The following FGF10 variants were observed in gnomAD, a reference collection of about 807,000 sequenced individuals.
FGF10 encodes FGF-10.
A neutral mutation model predicts 19.8 loss-of-function variants in FGF10; 2 were observed. The ratio of observed to expected loss-of-function variants is 0.10; its 90% CI spans 0.04 to 0.32. The LOEUF (loss-of-function observed/expected upper bound fraction) is 0.32, where lower values mean the gene tolerates loss of function less well. Among genes scored for constraint, FGF10 ranks in the 10% least tolerant of loss-of-function variants. The probability of loss-of-function intolerance (pLI) is 1.00; values close to 1 mark genes in which losing one functional copy is unlikely to be tolerated. For missense variants in FGF10, 191 were observed against 246.3 expected, an observed-to-expected ratio of 0.78 and a Z score of 1.50; for synonymous variants, 112 against 94.0, an observed-to-expected ratio of 1.19 and a Z score of -1.10.
chr5:44,375,614 A>G (rs1561219082), intron 1 of FGF10, among the ~76,000 whole-genome samples: 1 of 152,200 alleles, frequency 6.6e-6, no homozygotes, highest in African/African-American at 2.4e-5. Context: ...TATATGACAT[A>G]TGACATGGGA....
intron 1 of FGF10, among the ~76,000 whole-genome samples, chr5:44,382,479 G>A (rs958967181): frequency 1.3e-5 from 2 of 152,104 alleles, no homozygotes; most frequent in Admixed American, 1.3e-4. Context: ...CAAGATGCAG[G>A]TATATTTCCT....
chr5:44,376,583 A>G (rs1741872837), intron 1 of FGF10, among the ~76,000 whole-genome samples: 1 of 146,420 alleles, frequency 6.8e-6, no homozygotes, highest in Non-Finnish European at 1.5e-5. Flanking sequence ...GATTTGCTGG[A>G]AATTACAAAA....
intron 1 of FGF10, among the ~76,000 whole-genome samples, chr5:44,342,749 C>T (rs564731691): frequency 2.6e-5 from 4 of 151,938 alleles, no homozygotes; most frequent in South Asian, 2.1e-4. Flanking sequence ...AGAATGTTGC[C>T]GTCTAAAGGA....
intron 1 of FGF10, among the ~76,000 whole-genome samples, chr5:44,377,310 C>G (rs1263796196): frequency 1.3e-5 from 2 of 152,152 alleles, no homozygotes; most frequent in African/African-American, 4.8e-5. Flanking sequence ...CTGTGATGAT[C>G]TCCTCTTTCT....
intron 1 of FGF10, among the ~76,000 whole-genome samples, chr5:44,381,361 T>C (rs1351156634): frequency 6.6e-6 from 1 of 152,052 alleles, no homozygotes; most frequent in East Asian, 1.9e-4. Context: ...CATCTGAAAA[T>C]GTCTAGGCCT....
intron 2 of FGF10, among the ~76,000 whole-genome samples, chr5:44,307,803 C>T (rs540611839): frequency 3.9e-5 from 6 of 152,166 alleles, no homozygotes; most frequent in South Asian, 2.1e-4. Flanking sequence ...ATAAATTTTT[C>T]GTTTAATTTG....
At chr5:44,353,258 C>T (rs1741275332) in intron 1 of FGF10, among the ~76,000 whole-genome samples, 1 of 151,598 alleles carries the variant, frequency 6.6e-6, no homozygotes, top group Non-Finnish European at 1.5e-5. Flanking sequence ...TGTTTATCGT[C>T]TAAATGACCT....
At chr5:44,382,360 T>C (rs1019595295) in intron 1 of FGF10, among the ~76,000 whole-genome samples, 3 of 152,200 alleles carry the variant, frequency 2.0e-5, no homozygotes, top group Non-Finnish European at 4.4e-5. Flanking sequence ...TGAAACTTTC[T>C]ATTTGTGTAA....
chr5:44,338,010 T>TA (rs908339024), intron 1 of FGF10, among the ~76,000 whole-genome samples: 1 of 152,160 alleles, frequency 6.6e-6, no homozygotes, highest in African/African-American at 2.4e-5. Flanking sequence ...AATGTCCAAA[T>TA]AAATGTATGT....
rs1291379981 is a variant in FGF10 at position 44,326,707 on chromosome 5, T to A, written c.326-16177A>T. ...CACCCTTAGTTTATTGAAAGCATAC[T>A]TCTTTCTTCATATGGACCTCATCTG... On this transcript the variant is annotated intron_variant, in intron 1 of 2. Transcript: ENST00000264664. Among the ~76,000 whole-genome samples, 6 of 152,118 alleles carry A rather than the reference T, an allele frequency of 3.9e-5. No individual in the cohort carries two copies. In the East Asian group the frequency reaches 9.7e-4, roughly 24 times the overall value.
At chr5:44,384,085 G>T (rs759867353) in intron 1 of FGF10, among the ~76,000 whole-genome samples, 1 of 151,810 alleles carries the variant, frequency 6.6e-6, no homozygotes, top group African/African-American at 2.4e-5. Flanking sequence ...CTAAGACGTC[G>T]CCCTTTTTAG....
At chr5:44,370,646 C>T (rs528407309) in intron 1 of FGF10, among the ~76,000 whole-genome samples, 11 of 152,248 alleles carry the variant, frequency 7.2e-5, no homozygotes, top group Non-Finnish European at 1.5e-4. Flanking sequence ...TCAGCCTCAG[C>T]TCCATAAAAG....
chr5:44,321,777 T>C (rs1338858133), intron 1 of FGF10, among the ~76,000 whole-genome samples: 1 of 152,214 alleles, frequency 6.6e-6, no homozygotes, highest in African/African-American at 2.4e-5. Context: ...TTCTCTTTTT[T>C]TTGAGACAGA....
Position 44,376,507 on chromosome 5 carries a change from AAAAAAAAAAAC to A in FGF10, c.325+11840_325+11850del, listed in dbSNP as rs1432655672. 1.2e-3 allele frequency among the ~76,000 whole-genome samples: 162 copies of A among 137,210 alleles called. 2 individuals carry two copies. The highest frequency in any genetic ancestry group is 1.9e-3 in the Non-Finnish European group (115 of 61,400). The allele number at this position is 137,210 out of a possible 152,430, so 90.0% of individuals were successfully genotyped here. A position where few individuals can be genotyped will look rare whatever the true frequency, so the allele number is the denominator to read the frequency against. The stretch of plus-strand genomic sequence containing the variant: ...ACAAATGCCAAAAAAAAAAAAAAAA[AAAAAAAAAAAC>A]AAAAAACCCACAACTAGAGCAAGAA... On this transcript the variant is annotated intron_variant, in intron 1 of 2. Coordinates refer to ENST00000264664, the MANE Select transcript of FGF10 (RefSeq NM_004465.2).
At chr5:44,376,507 A>C (rs1022250867) in intron 1 of FGF10, among the ~76,000 whole-genome samples, 8 of 137,170 alleles carry the variant, frequency 5.8e-5, no homozygotes, top group African/African-American at 1.3e-4. Context: ...AAAAAAAAAA[A>C]AAAAAAAAAA....
intron 1 of FGF10, 114 bp from the exon 2 acceptor site, chr5:44,310,644 C>A (rs1331597278): frequency 2.7e-6 from 2 of 742,324 alleles, no homozygotes; most frequent in African/African-American, 3.5e-5. Flanking sequence ...AAACAAAAGG[C>A]ACAAAACATT....
At chr5:44,316,629 G>A (rs974459576) in intron 1 of FGF10, among the ~76,000 whole-genome samples, 4 of 152,168 alleles carry the variant, frequency 2.6e-5, no homozygotes, top group East Asian at 1.9e-4. Flanking sequence ...TTGACAGAAC[G>A]TGTGCATAGA....
At chr5:44,348,724 T>G (rs1252900720) in intron 1 of FGF10, among the ~76,000 whole-genome samples, 1 of 151,612 alleles carries the variant, frequency 6.6e-6, no homozygotes, top group Non-Finnish European at 1.5e-5. Context: ...TGGACATATT[T>G]ATAAAAAGAA....
chr5:44,385,295 G>C (rs367843127), intron 1 of FGF10, among the ~76,000 whole-genome samples: 125 of 152,186 alleles, frequency 8.2e-4, no homozygotes, highest in African/African-American at 2.8e-3. Context: ...CACCCATATA[G>C]AGAAGAGCTT....
Sources: gnomAD v4.1 joint callset for allele counts (sites outside exome capture counted in the v4.1 genomes callset) on GRCh38, gnomAD v4.1.1 for gene constraint, MANE v1.5 for transcripts, NCBI Gene and HGNC (gene_info 2026-07-23, HGNC 2026-07-21) for gene names.